The following EXTL3 variants were observed in gnomAD, a reference collection of about 807,000 sequenced individuals.
The protein encoded by EXTL3 is exostosin-like 3.
Under a neutral mutation model 69.3 loss-of-function variants are expected in EXTL3, and 27 were observed. The ratio of observed to expected loss-of-function variants is 0.39; its 90% CI spans 0.29 to 0.54. EXTL3 has a LOEUF of 0.54. Ranked by LOEUF, EXTL3 falls within the 20% of genes least tolerant of loss-of-function variation. The pLI, the probability that EXTL3 is intolerant of heterozygous loss-of-function variation, is 0.69. For missense variants in EXTL3, 1,003 were observed against 1,231.8 expected (o/e 0.81, Z 2.78); for synonymous variants, 511 against 499.4 (o/e 1.02, Z -0.31).
intron 1 of EXTL3, among the ~76,000 whole-genome samples, chr8:28,690,361 T>G (rs1800595145): frequency 6.6e-6 from 1 of 152,090 alleles, no homozygotes; most frequent in Non-Finnish European, 1.5e-5. Flanking sequence ...TATAAGCACA[T>G]GGCACCACAC....
chr8:28,638,420 A>T (rs879399180), intron 1 of EXTL3, among the ~76,000 whole-genome samples: 5 of 152,212 alleles, frequency 3.3e-5, no homozygotes, highest in Non-Finnish European at 7.3e-5. Context: ...GCCCAGAGAC[A>T]TAAAGTAAGG....
At chr8:28,614,070 ATCT>A (rs1806302348) in intron 2 of EXTL3, among the ~76,000 whole-genome samples, 1 of 151,920 alleles carries the variant, frequency 6.6e-6, no homozygotes, top group Admixed American at 6.6e-5. Flanking sequence ...GCCTCAAGCA[ATCT>A]TCCTGCCTCG....
chr8:28,619,266 T>TAAAAAAA (rs755355444), upstream of EXTL3, among the ~76,000 whole-genome samples: 72 of 64,636 alleles, frequency 1.1e-3, 2 homozygotes, highest in East Asian at 2.0e-3. Context: ...AGCTTAGTGA[T>TAAAAAAA]AAAAAAAAAA....
In EXTL3 at chr8:28,743,830, G is replaced by A. The variant is rs76330287; in HGVS notation, c.2550+616G>A. The A allele has an allele frequency of 4.0e-4, 63 of 157,016 alleles. 1 individual carries two copies. The East Asian group carries it at 0.011, about 26-fold the overall frequency. The allele number at this position is 157,016 out of a possible 1,614,324, so 9.7% of individuals were successfully genotyped here. ...AGATTGCCAAGCCAGAGGCACAGGC[G>A]ATGTCCATCAAACAAAAAACTTAAG... is the stretch of plus-strand genomic sequence containing the variant. On this transcript the variant is annotated intron_variant, in intron 6 of 6. Coordinates refer to ENST00000220562, the MANE Select transcript of EXTL3 (RefSeq NM_001440.4).
chr8:28,638,080 G>A (rs534885732), intron 1 of EXTL3, among the ~76,000 whole-genome samples: 41 of 151,972 alleles, frequency 2.7e-4, no homozygotes, highest in South Asian at 6.2e-4. Context: ...CCTTTTCCTC[G>A]TGCTATTTGT....
chr8:28,716,983 C>T lies in EXTL3; in HGVS notation c.924C>T (p.Tyr308=), dbSNP rs778742744. Residue 308 remains tyrosine, a synonymous_variant, in exon 3 of 7, where the codon TAC becomes TAT. Transcript: ENST00000220562. This position sits in a 1 kb window ranked among gnomAD's most constrained non-coding sequence, Gnocchi z 7.1. ...VAQSTFYTVQ[Y]RPGFDLVVSP... Reference sequence around the variant, plus strand: ...AGTCCACCTTCTACACTGTCCAGTACAGACCTGGCTTTGACTTGGTCGTAT... The same window carrying T: ...AGTCCACCTTCTACACTGTCCAGTATAGACCTGGCTTTGACTTGGTCGTAT... 6.2e-6 allele frequency: 10 copies of T among 1,614,226 alleles called. No homozygotes were observed. In the East Asian group the frequency reaches 2.0e-4, roughly 32 times the overall value.
In EXTL3 at chr8:28,750,791, G is replaced by T. The variant is rs554159825; in HGVS notation, c.2685G>T (p.Thr895=). ...ACGGCTACATGCCCCTCCTGTACACGCAGTTCAGGGTGGATTCTGTGCTCT... is the reference window on the plus strand; with the variant it reads ...ACGGCTACATGCCCCTCCTGTACACTCAGTTCAGGGTGGATTCTGTGCTCT... ...KVYGYMPLLY[T]QFRVDSVLFK... is the part of the protein sequence containing the mutation. The change falls in exon 7 of 7, where the codon ACG becomes ACT. Residue 895 remains threonine (T), a synonymous_variant. Coordinates refer to ENST00000220562, the MANE Select transcript of EXTL3 (RefSeq NM_001440.4). The surrounding 1 kb of genome is among the most constrained non-coding windows in gnomAD (Gnocchi z 5.2). The T allele has an allele frequency of 6.2e-7, 1 of 1,613,904 alleles. No individual in the cohort carries two copies. The highest frequency in any genetic ancestry group is 1.7e-5 in the Admixed American group (1 of 60,004).
chr8:28,751,270 A>C lies in EXTL3; in HGVS notation c.*404A>C. 4.4e-6 allele frequency: 1 copy of C among 226,908 alleles called. No individual in the cohort carries two copies. Among genetic ancestry groups the C allele is most frequent in the Non-Finnish European group, 8.8e-6 (1 of 113,066 alleles). 14.1% of individuals were successfully genotyped at this position (226,908 alleles called of 1,614,324 possible). A position where few individuals can be genotyped will look rare whatever the true frequency, so the allele number is the denominator to read the frequency against. The stretch of plus-strand genomic sequence containing the variant: ...ATTTATATATATGTGTGTGTATATA[A>C]ATACATGCACACACTTGCATACATA... On this transcript the variant is annotated 3_prime_UTR_variant, in exon 7 of 7. Coordinates refer to ENST00000220562, the MANE Select transcript of EXTL3 (RefSeq NM_001440.4).
At chr8:28,709,079 A>T (rs998962986) in intron 1 of EXTL3, among the ~76,000 whole-genome samples, 19 of 152,198 alleles carry the variant, frequency 1.2e-4, no homozygotes, top group African/African-American at 4.6e-4. Flanking sequence ...TAATATAGAC[A>T]GTGTAACATA....
At chr8:28,677,499 A>G (rs1807406918) in intron 1 of EXTL3, among the ~76,000 whole-genome samples, 1 of 152,196 alleles carries the variant, frequency 6.6e-6, no homozygotes, top group African/African-American at 2.4e-5. Flanking sequence ...TTCAAGGATA[A>G]AGGAAAATTT....
At chr8:28,694,833 G>A (rs1800661676) in intron 1 of EXTL3, among the ~76,000 whole-genome samples, 2 of 152,196 alleles carry the variant, frequency 1.3e-5, no homozygotes, top group African/African-American at 2.4e-5. Context: ...GCAACCTGGC[G>A]AAACCCCATT....
chr8:28,732,299 G>A (rs1218971886), intron 4 of EXTL3, among the ~76,000 whole-genome samples: 1 of 152,128 alleles, frequency 6.6e-6, no homozygotes, highest in African/African-American at 2.4e-5. Flanking sequence ...CAAAAATTGA[G>A]GGTAAGCATT....
At chr8:28,670,880 TG>T (rs1390868918) in intron 1 of EXTL3, among the ~76,000 whole-genome samples, 1 of 152,168 alleles carries the variant, frequency 6.6e-6, no homozygotes, top group Non-Finnish European at 1.5e-5. Flanking sequence ...TTTTGGTATT[TG>T]GGTAGTCCCT....
chr8:28,737,204 C>A (rs907666940), intron 4 of EXTL3, among the ~76,000 whole-genome samples: 3 of 152,170 alleles, frequency 2.0e-5, no homozygotes, highest in Admixed American at 6.5e-5. Flanking sequence ...ATTCTGGAGC[C>A]CTCCTTAGTA....
chr8:28,653,715 T>C (rs2130607870), intron 1 of EXTL3, among the ~76,000 whole-genome samples: 1 of 152,336 alleles, frequency 6.6e-6, no homozygotes, highest in African/African-American at 2.4e-5. Flanking sequence ...TTTATTCCAT[T>C]GGTTGATATG....
At chr8:28,664,291 TGCAG>T (rs1487694208) in intron 1 of EXTL3, among the ~76,000 whole-genome samples, 1 of 152,242 alleles carries the variant, frequency 6.6e-6, no homozygotes, top group Non-Finnish European at 1.5e-5. Context: ...CTCCCTGGCT[TGCAG>T]GTGGCTGCCT....
At chr8:28,665,063 C>CTTTTTTTTTT (rs1222832851) in intron 1 of EXTL3, among the ~76,000 whole-genome samples, 1 of 62,398 alleles carries the variant, frequency 1.6e-5, no homozygotes, top group African/African-American at 5.3e-5. Context: ...TTTTCCTTTA[C>CTTTTTTTTTT]TTTTTTTTTT....
intron 3 of EXTL3, among the ~76,000 whole-genome samples, chr8:28,728,644 G>A (rs890744906): frequency 6.6e-6 from 1 of 152,052 alleles, no homozygotes; most frequent in African/African-American, 2.4e-5. Context: ...CACTTTTTTT[G>A]GAAGGCTGAG....
intron 3 of EXTL3, among the ~76,000 whole-genome samples, chr8:28,719,738 C>T (rs1801255823): frequency 6.6e-6 from 1 of 152,088 alleles, no homozygotes; most frequent in Non-Finnish European, 1.5e-5. Flanking sequence ...AGCATTTGCT[C>T]TGTGAAAGAT....
Sources: gnomAD v4.1 joint callset for allele counts (sites outside exome capture counted in the v4.1 genomes callset) on GRCh38, gnomAD v4.1.1 for gene constraint, Gnocchi (gnomAD v3.1) non-coding constraint, MANE v1.5 for transcripts, NCBI Gene and HGNC (gene_info 2026-07-23, HGNC 2026-07-21) for gene names.